NELL1: variants seen among roughly 807,000 people sequenced by gnomAD.
NELL1 encodes protein kinase C-binding protein NELL1.
In NELL1, 76 loss-of-function variants were observed where a neutral mutation model predicts 107.4. That is an observed-to-expected ratio of 0.71 (90% CI 0.59 to 0.86). The LOEUF (loss-of-function observed/expected upper bound fraction) is 0.86, where lower values mean the gene tolerates loss of function less well. NELL1 is among the 40% of genes least tolerant of loss of function. The probability of loss-of-function intolerance (pLI) is 0.00; values close to 1 mark genes in which losing one functional copy is unlikely to be tolerated. For missense variants in NELL1, 1,024 were observed against 1,005.5 expected, an observed-to-expected ratio of 1.02 and a Z score of -0.25; for synonymous variants, 353 against 341.2, an observed-to-expected ratio of 1.03 and a Z score of -0.38.
intron 14 of NELL1, among the ~76,000 whole-genome samples, chr11:21,251,900 A>G (rs972827319): frequency 1.1e-4 from 17 of 152,116 alleles, no homozygotes; most frequent in Admixed American, 9.8e-4. Context: ...AACAACTTCA[A>G]TGATAGAGCT....
chr11:21,422,146 C>T (rs922027140), intron 15 of NELL1, among the ~76,000 whole-genome samples: 5 of 150,924 alleles, frequency 3.3e-5, no homozygotes, highest in Non-Finnish European at 4.4e-5. Context: ...TGTATGTACA[C>T]GTGCAAGAGA....
At chr11:21,487,972 A>T (rs372049853) in intron 15 of NELL1, among the ~76,000 whole-genome samples, 1 of 152,162 alleles carries the variant, frequency 6.6e-6, no homozygotes, top group East Asian at 1.9e-4. Context: ...TCAATGCAAA[A>T]ATAGAACATA....
chr11:20,879,221 T>TG (rs1410436934), intron 4 of NELL1, among the ~76,000 whole-genome samples: 4 of 152,098 alleles, frequency 2.6e-5, no homozygotes, highest in African/African-American at 4.8e-5. Context: ...TGAAGACCCC[T>TG]GTGGGTCATG....
At chr11:20,694,183 C>T (rs925330829) in intron 2 of NELL1, among the ~76,000 whole-genome samples, 4 of 152,008 alleles carry the variant, frequency 2.6e-5, no homozygotes, top group East Asian at 1.9e-4. Flanking sequence ...GTTATACATT[C>T]GTCTAAATTT....
chr11:20,832,004 G>A (rs1432194299), intron 3 of NELL1, among the ~76,000 whole-genome samples: 1 of 152,208 alleles, frequency 6.6e-6, no homozygotes, highest in Non-Finnish European at 1.5e-5. Flanking sequence ...GGGTGGGAAT[G>A]TTTAGTCATT....
At chr11:20,832,306 G>C (rs1458687787) in intron 3 of NELL1, among the ~76,000 whole-genome samples, 1 of 152,222 alleles carries the variant, frequency 6.6e-6, no homozygotes, top group Middle Eastern at 3.2e-3. Context: ...CTTTATCCCA[G>C]TGTGACTTAA....
At chr11:21,151,475 C>T (rs16907546) in intron 13 of NELL1, among the ~76,000 whole-genome samples, 46,297 of 151,834 alleles carry the variant, frequency 0.3, 7,720 homozygotes, top group East Asian at 0.56. Context: ...TGATGGTGCG[C>T]GTGGTGACGT....
intron 4 of NELL1, among the ~76,000 whole-genome samples, chr11:20,872,510 G>C (rs1045918320): frequency 2.0e-5 from 3 of 152,006 alleles, no homozygotes; most frequent in African/African-American, 7.3e-5. Flanking sequence ...TTTCGTGAGG[G>C]GCTTATGAAT....
intron 12 of NELL1, among the ~76,000 whole-genome samples, chr11:20,971,107 A>G (rs1257919209): frequency 6.6e-6 from 1 of 151,964 alleles, no homozygotes; most frequent in Admixed American, 6.6e-5. Flanking sequence ...GATACCTGGC[A>G]TTTTTCCAGG....
At chr11:21,295,063 A>G (rs1025306524) in intron 14 of NELL1, among the ~76,000 whole-genome samples, 1 of 152,178 alleles carries the variant, frequency 6.6e-6, no homozygotes, top group African/African-American at 2.4e-5. Flanking sequence ...AGGAAATGCC[A>G]TTTCTGACTT....
intron 15 of NELL1, among the ~76,000 whole-genome samples, chr11:21,482,224 T>A (rs1453199130): frequency 6.6e-6 from 1 of 152,208 alleles, no homozygotes; most frequent in Non-Finnish European, 1.5e-5. Context: ...ATTAAACACT[T>A]ACTGCTCTAA....
chr11:21,499,309 A>G (rs1317778426), intron 15 of NELL1, among the ~76,000 whole-genome samples: 1 of 152,058 alleles, frequency 6.6e-6, no homozygotes, highest in African/African-American at 2.4e-5. Flanking sequence ...TGTTCAATCT[A>G]TTTGACTAGT....
chr11:21,006,730 A>G (rs1852335341), intron 12 of NELL1, among the ~76,000 whole-genome samples: 1 of 152,004 alleles, frequency 6.6e-6, no homozygotes, highest in Admixed American at 6.6e-5. Flanking sequence ...CAACTACATC[A>G]TGTTTATCTG....
intron 12 of NELL1, among the ~76,000 whole-genome samples, chr11:21,011,267 T>C (rs1852440313): frequency 6.6e-6 from 1 of 152,162 alleles, no homozygotes; most frequent in African/African-American, 2.4e-5. Flanking sequence ...TTCATTTTCA[T>C]TGACAAGTCC....
chr11:20,860,619 AG>A, intron 4 of NELL1, among the ~76,000 whole-genome samples: 1 of 152,352 alleles, frequency 6.6e-6, no homozygotes, highest in South Asian at 2.1e-4. Context: ...ATCAGGCACA[AG>A]GAAAGGTGAA....
chr11:21,385,812 A>G (rs1038281061), intron 15 of NELL1, among the ~76,000 whole-genome samples: 1 of 151,868 alleles, frequency 6.6e-6, no homozygotes, highest in Non-Finnish European at 1.5e-5. Context: ...TTTAATCAAT[A>G]TTCCTCCTGC....
At chr11:21,307,036 AT>A (rs1235070367) in intron 14 of NELL1, among the ~76,000 whole-genome samples, 1 of 151,950 alleles carries the variant, frequency 6.6e-6, no homozygotes, top group Non-Finnish European at 1.5e-5. Context: ...TTTTTCCATG[AT>A]TTCCTATTCA....
intron 2 of NELL1, among the ~76,000 whole-genome samples, chr11:20,716,610 T>C (rs765283091): frequency 1.3e-5 from 2 of 152,176 alleles, no homozygotes; most frequent in Non-Finnish European, 2.9e-5. Flanking sequence ...TATGTGTCCA[T>C]ATACAAGATA....
At chr11:20,933,337 T>C (rs1850656473) in intron 9 of NELL1, among the ~76,000 whole-genome samples, 1 of 152,142 alleles carries the variant, frequency 6.6e-6, no homozygotes, top group East Asian at 1.9e-4. Context: ...AGAGCGTCTG[T>C]AAGGGAGAAA....
Sources: allele counts gnomAD v4.1 joint callset (sites outside exome capture counted in the v4.1 genomes callset), GRCh38; gene constraint gnomAD v4.1.1; transcripts MANE v1.5; gene names NCBI Gene and HGNC (gene_info 2026-07-23, HGNC 2026-07-21).